Variants in DCDC1 observed in about 807,000 individuals in gnomAD.
DCDC1 encodes doublecortin domain containing 1, also known as doublecortin domain-containing protein 1.
In DCDC1, 200 loss-of-function variants were observed where a neutral mutation model predicts 178.3. The observed-to-expected ratio is 1.12, with a 90% CI of 1.00 to 1.26. The LOEUF (loss-of-function observed/expected upper bound fraction) is 1.26. Ranked by LOEUF, DCDC1 falls within the 50% of genes most tolerant of loss-of-function variation. DCDC1 has a pLI of 0.00. For missense variants in DCDC1, 1,983 were observed against 1,749.2 expected, an observed-to-expected ratio of 1.13 and a Z score of -2.38; for synonymous variants, 690 against 604.8, an observed-to-expected ratio of 1.14 and a Z score of -2.07.
At chr11:31,012,571 T>C (rs1392805328) in intron 20 of DCDC1, among the ~76,000 whole-genome samples, 1 of 150,822 alleles carries the variant, frequency 6.6e-6, no homozygotes, top group Non-Finnish European at 1.5e-5. Context: ...TGCCATTGCA[T>C]TCCGGCCTGG....
chr11:30,904,703 T>C, intron 31 of DCDC1: 1 of 464,290 alleles, frequency 2.2e-6, no homozygotes, highest in South Asian at 3.1e-5. Context: ...AGCTTTGTTT[T>C]CCTCTTTCTT....
chr11:31,082,906 A>G (rs1013379280), intron 17 of DCDC1, among the ~76,000 whole-genome samples: 6 of 152,228 alleles, frequency 3.9e-5, no homozygotes, highest in Non-Finnish European at 8.8e-5. Context: ...TCCATAATTC[A>G]TAACATAGTA....
At chr11:30,916,737 T>C (rs975771316) in intron 26 of DCDC1, 133 bp downstream of exon 26, 151 of 1,095,290 alleles carry the variant, frequency 1.4e-4, no homozygotes, top group Non-Finnish European at 1.7e-4. Context: ...ATCAAAAACA[T>C]AAGACAAAAA....
At chr11:30,905,579 T>C (rs2134139975) in intron 30 of DCDC1, among the ~76,000 whole-genome samples, 1 of 152,258 alleles carries the variant, frequency 6.6e-6, no homozygotes, top group Middle Eastern at 3.4e-3. Flanking sequence ...GGGGAATGGT[T>C]GTAGCTTTAA....
At chr11:30,905,234 C>A in intron 30 of DCDC1, 70 bp from the exon 31 acceptor site, 1 of 1,468,196 alleles carries the variant, frequency 6.8e-7, no homozygotes, top group Non-Finnish European at 9.2e-7. Context: ...ACTTTAGTCT[C>A]TTAATAAATG....
At chr11:31,007,476 A>C (rs1348143048) in intron 20 of DCDC1, among the ~76,000 whole-genome samples, 1 of 152,148 alleles carries the variant, frequency 6.6e-6, no homozygotes, top group Non-Finnish European at 1.5e-5. Context: ...TCCAACGCTG[A>C]TATACTTGAG....
At position 31,208,413 on chromosome 11, in the gene DCDC1, T is replaced by A. The variant is rs1336019046; in HGVS notation, c.1221+33037A>T. Reference sequence around the variant, plus strand: ...CAAAATATATCCTGAGTCTTATAATTCCTCATAATTTTCACTATAGAGTTC... The same window carrying A: ...CAAAATATATCCTGAGTCTTATAATACCTCATAATTTTCACTATAGAGTTC... On this transcript the variant is annotated intron_variant, in intron 9 of 38. Transcript: ENST00000684477. 3.3e-5 allele frequency among the ~76,000 whole-genome samples: 5 copies of A among 152,256 alleles called. No individual in the cohort carries two copies. In the East Asian group the frequency reaches 9.7e-4, roughly 29 times the overall value.
intron 9 of DCDC1, among the ~76,000 whole-genome samples, chr11:31,200,663 A>G (rs1335652094): frequency 6.6e-6 from 1 of 151,932 alleles, no homozygotes; most frequent in Non-Finnish European, 1.5e-5. Flanking sequence ...TAAAGGAACA[A>G]ATTTCTGTTA....
chr11:31,010,233 T>C (rs150353239), intron 20 of DCDC1, among the ~76,000 whole-genome samples: 4 of 152,348 alleles, frequency 2.6e-5, no homozygotes, highest in Non-Finnish European at 5.9e-5. Flanking sequence ...CCTGGCTGTC[T>C]TCTTGCTGAG....
intron 11 of DCDC1, among the ~76,000 whole-genome samples, chr11:31,123,661 G>A (rs1961136295): frequency 6.6e-6 from 1 of 151,980 alleles, no homozygotes; most frequent in Non-Finnish European, 1.5e-5. Context: ...TATTTTCTGA[G>A]AGAAGCTAGA....
chr11:31,189,765 T>C (rs1203354834), intron 9 of DCDC1, among the ~76,000 whole-genome samples: 4 of 152,144 alleles, frequency 2.6e-5, no homozygotes, highest in South Asian at 4.1e-4. Flanking sequence ...TGCCTCCCTC[T>C]TATAAGGACT....
At chr11:31,022,385 C>T (rs1952931622) in intron 20 of DCDC1, among the ~76,000 whole-genome samples, 2 of 152,106 alleles carry the variant, frequency 1.3e-5, no homozygotes, top group African/African-American at 2.4e-5. Context: ...CTTCAAAGGA[C>T]ACCAGTCGTA....
At position 31,333,885 on chromosome 11, in the gene DCDC1, T is replaced by G. The variant is rs566970126; in HGVS notation, c.-7+1562A>C. ...GGTTGCTCTTCTCGAAGAGTATCTT[T>G]GTGGTGTTCTCTGTATTTCCTTAAC... On this transcript the variant is annotated intron_variant, in intron 2 of 38. Coordinates refer to ENST00000684477, the MANE Select transcript of DCDC1 (RefSeq NM_001387274.1). Among the ~76,000 whole-genome samples, 479 of 152,300 alleles carry G rather than the reference T, an allele frequency of 3.1e-3. 3 individuals are homozygous for G. The highest frequency in any genetic ancestry group is 5.5e-3 in the Non-Finnish European group (371 of 68,020).
intron 20 of DCDC1, among the ~76,000 whole-genome samples, chr11:31,012,465 G>A (rs1053881202): frequency 6.6e-6 from 1 of 151,880 alleles, no homozygotes; most frequent in Admixed American, 6.6e-5. Flanking sequence ...AATTACCCAG[G>A]CATGGTGGTA....
intron 23 of DCDC1, among the ~76,000 whole-genome samples, chr11:30,924,909 C>T (rs1218163132): frequency 1.3e-5 from 2 of 151,770 alleles, no homozygotes; most frequent in African/African-American, 4.8e-5. Flanking sequence ...CCATCTCTAC[C>T]GAAAATACAA....
chr11:31,215,517 TG>T (rs1565448627), intron 9 of DCDC1, among the ~76,000 whole-genome samples: 1 of 152,052 alleles, frequency 6.6e-6, no homozygotes, highest in African/African-American at 2.4e-5. Flanking sequence ...GCAGCAGGCC[TG>T]GCGCGGTAGC....
At chr11:31,024,828 G>A (rs556805085) in intron 20 of DCDC1, among the ~76,000 whole-genome samples, 2 of 151,980 alleles carry the variant, frequency 1.3e-5, no homozygotes, top group South Asian at 4.1e-4. Context: ...GTTATTTAGT[G>A]TTTCATAATA....
At chr11:30,917,891 C>T (rs1462134086) in intron 25 of DCDC1, among the ~76,000 whole-genome samples, 1 of 152,208 alleles carries the variant, frequency 6.6e-6, no homozygotes, top group Non-Finnish European at 1.5e-5. Flanking sequence ...CCAAAATCTT[C>T]AGGGACAATT....
At chr11:30,937,569 T>G (rs1289925989) in intron 21 of DCDC1, among the ~76,000 whole-genome samples, 1 of 152,150 alleles carries the variant, frequency 6.6e-6, no homozygotes, top group African/African-American at 2.4e-5. Flanking sequence ...CTCATCTCCT[T>G]CGAGGGAGAT....
Sources: gnomAD v4.1 joint callset for allele counts (sites outside exome capture counted in the v4.1 genomes callset) on GRCh38, gnomAD v4.1.1 for gene constraint, MANE v1.5 for transcripts, NCBI Gene and HGNC (gene_info 2026-07-23, HGNC 2026-07-21) for gene names.